RPS6KC1: variants seen among roughly 807,000 people sequenced by gnomAD.
RPS6KC1 encodes the protein ribosomal protein S6 kinase C1, also known as inactive ribosomal protein S6 kinase delta-1.
In RPS6KC1, 54 loss-of-function variants were observed where a neutral mutation model predicts 103.8. That is an observed-to-expected ratio of 0.52 (90% CI 0.42 to 0.65). RPS6KC1 has a LOEUF of 0.65. RPS6KC1 is among the 30% of genes least tolerant of loss of function. The pLI is 0.00. For synonymous variants in RPS6KC1, 439 were observed against 438.7 expected, an observed-to-expected ratio of 1.00 and a Z score of -0.01; for missense variants, 1,151 against 1,253.8, an observed-to-expected ratio of 0.92 and a Z score of 1.24.
At chr1:213,280,978 T>C in the RPS6KC1 span, among the ~76,000 whole-genome samples, 7 of 152,164 alleles carry the variant, frequency 4.6e-5, no homozygotes, top group Non-Finnish European at 1.0e-4. Flanking sequence ...TTGCACTGCT[T>C]TCTTCCAGTG....
the RPS6KC1 span, among the ~76,000 whole-genome samples, chr1:213,313,068 G>A: frequency 6.6e-6 from 1 of 152,200 alleles, no homozygotes; most frequent in African/African-American, 2.4e-5. Context: ...GGATGGTTAT[G>A]TCGCTGGCTT....
chr1:213,460,979 C>T, the RPS6KC1 span, among the ~76,000 whole-genome samples: 1 of 152,126 alleles, frequency 6.6e-6, no homozygotes, highest in Non-Finnish European at 1.5e-5. Context: ...GATGGGCTTC[C>T]CTTTGTGGGT....
chr1:213,707,802 C>T, the RPS6KC1 span, among the ~76,000 whole-genome samples: 1 of 152,160 alleles, frequency 6.6e-6, no homozygotes, highest in Admixed American at 6.5e-5. Flanking sequence ...ATAGGGAATC[C>T]TTTCCCCATT....
the RPS6KC1 span, among the ~76,000 whole-genome samples, chr1:213,816,544 T>C: frequency 4.6e-5 from 7 of 152,146 alleles, no homozygotes; most frequent in Non-Finnish European, 1.0e-4. Flanking sequence ...AGTGGTCAGA[T>C]GACACAGAGC....
intron 14 of RPS6KC1, among the ~76,000 whole-genome samples, chr1:213,267,721 T>C (rs1409875266): frequency 1.3e-5 from 2 of 151,854 alleles, no homozygotes; most frequent in African/African-American, 4.8e-5. Context: ...AGACAGAAAG[T>C]ATATTTTTAA....
intron 8 of RPS6KC1, among the ~76,000 whole-genome samples, chr1:213,180,362 A>G (rs2092189955): frequency 6.6e-6 from 1 of 152,226 alleles, no homozygotes; most frequent in Non-Finnish European, 1.5e-5. Flanking sequence ...GCATGCTAAT[A>G]TCCTCATAGG....
At chr1:213,746,804 G>C in the RPS6KC1 span, among the ~76,000 whole-genome samples, 1 of 152,116 alleles carries the variant, frequency 6.6e-6, no homozygotes, top group African/African-American at 2.4e-5. Flanking sequence ...TGATGGGTTG[G>C]TAGTAGGCAG....
At chr1:213,290,945 A>G in the RPS6KC1 span, among the ~76,000 whole-genome samples, 2 of 152,182 alleles carry the variant, frequency 1.3e-5, no homozygotes, top group Middle Eastern at 3.2e-3. Flanking sequence ...TGCAAATGGC[A>G]GTGTTTACCT....
the RPS6KC1 span, among the ~76,000 whole-genome samples, chr1:213,543,231 A>C: frequency 2.0e-5 from 3 of 152,226 alleles, no homozygotes; most frequent in Non-Finnish European, 2.9e-5. Context: ...AATGAGCTGC[A>C]GAAGTAGGGG....
At chr1:213,293,834 C>T in the RPS6KC1 span, among the ~76,000 whole-genome samples, 2 of 152,156 alleles carry the variant, frequency 1.3e-5, no homozygotes, top group African/African-American at 2.4e-5. Context: ...TATGTAGGAA[C>T]TGAGTAATGC....
chr1:213,723,685 G>A, the RPS6KC1 span, among the ~76,000 whole-genome samples: 18 of 152,074 alleles, frequency 1.2e-4, no homozygotes, highest in African/African-American at 4.1e-4. Flanking sequence ...AGTGACTTTG[G>A]GCAAAGTCAA....
intron 5 of RPS6KC1, among the ~76,000 whole-genome samples, chr1:213,125,354 TAAG>T (rs1282922593): frequency 6.6e-6 from 1 of 152,148 alleles, no homozygotes; most frequent in Non-Finnish European, 1.5e-5. Flanking sequence ...TATTTTATCA[TAAG>T]GAGATATCAT....
In RPS6KC1 at chr1:213,274,504, C is replaced by T. The variant is rs1390960715; in HGVS notation, c.*1870C>T. Reference sequence around the variant, plus strand: ...CAATTCCATTGCTTCAGTTTCTCCCCTTTTCTCTCTATATGTTTGGTTGGA... The same window carrying T: ...CAATTCCATTGCTTCAGTTTCTCCCTTTTTCTCTCTATATGTTTGGTTGGA... On this transcript the variant is annotated 3_prime_UTR_variant, in exon 15 of 15. Coordinates refer to ENST00000366960, the MANE Select transcript of RPS6KC1 (RefSeq NM_012424.6). 3 of 152,244 alleles carry T rather than the reference C, an allele frequency of 2.0e-5. No individual in the cohort carries two copies. Among genetic ancestry groups the T allele is most frequent in the South Asian group, 2.1e-4 (1 of 4,818 alleles). 9.4% of individuals were successfully genotyped at this position (152,244 alleles called of 1,614,324 possible). A position where few individuals can be genotyped will look rare whatever the true frequency, so the allele number is the denominator to read the frequency against.
At chr1:213,290,881 A>C in the RPS6KC1 span, among the ~76,000 whole-genome samples, 1 of 152,212 alleles carries the variant, frequency 6.6e-6, no homozygotes, top group African/African-American at 2.4e-5. Flanking sequence ...TAGGCAGCGT[A>C]GATGATTCAA....
chr1:213,219,049 A>G (rs1164591985), intron 8 of RPS6KC1, among the ~76,000 whole-genome samples: 2 of 152,362 alleles, frequency 1.3e-5, no homozygotes, highest in African/African-American at 2.4e-5. Context: ...GCACAGCAAA[A>G]GAAACTACCA....
At chr1:213,182,507 C>T (rs1308239684) in intron 8 of RPS6KC1, among the ~76,000 whole-genome samples, 1 of 151,688 alleles carries the variant, frequency 6.6e-6, no homozygotes, top group Non-Finnish European at 1.5e-5. Flanking sequence ...ACAAAAAATA[C>T]TGTAGATAAA....
chr1:213,091,729 G>C (rs1334879978), intron 3 of RPS6KC1, among the ~76,000 whole-genome samples: 2 of 152,176 alleles, frequency 1.3e-5, no homozygotes, highest in Non-Finnish European at 2.9e-5. Context: ...TGGTTTGACA[G>C]CTTGAATTTT....
the RPS6KC1 span, among the ~76,000 whole-genome samples, chr1:213,707,186 T>C: frequency 6.6e-6 from 1 of 152,188 alleles, no homozygotes; most frequent in Non-Finnish European, 1.5e-5. Context: ...GCATTCCTAT[T>C]TCTCCACATC....
the RPS6KC1 span, among the ~76,000 whole-genome samples, chr1:213,607,688 TACACACACACACAC>T: frequency 4.3e-5 from 6 of 140,900 alleles, no homozygotes; most frequent in South Asian, 4.9e-4. Context: ...CAGTTGCAAT[TACACACACACACAC>T]ACACACACAC....
Sources: gnomAD v4.1 joint callset for allele counts (sites outside exome capture counted in the v4.1 genomes callset) on GRCh38, gnomAD v4.1.1 for gene constraint, MANE v1.5 for transcripts, NCBI Gene and HGNC (gene_info 2026-07-23, HGNC 2026-07-21) for gene names.